Variants in TMEM268 observed in about 807,000 individuals in gnomAD.
TMEM268 encodes the protein transmembrane protein 268, also known as transmembrane protein C9orf91.
TMEM268 carries 24 observed loss-of-function variants against 39.1 expected under a neutral mutation model. That is an observed-to-expected ratio of 0.61 (90% CI 0.44 to 0.86). The LOEUF (loss-of-function observed/expected upper bound fraction) is 0.86. TMEM268 is among the 40% of genes least tolerant of loss of function. TMEM268 has a pLI of 0.00. For synonymous variants in TMEM268, 176 were observed against 173.5 expected (o/e 1.01, Z -0.12); for missense variants, 409 against 428.6 (o/e 0.95, Z 0.40).
At chr9:114,612,746 C>T (rs182806100) in intron 1 of TMEM268, among the ~76,000 whole-genome samples, 1 of 152,288 alleles carries the variant, frequency 6.6e-6, no homozygotes, top group African/African-American at 2.4e-5. Context: ...AACCCTTCCC[C>T]CACCCCAACC....
chr9:114,604,182 T>A, the TMEM268 span, among the ~76,000 whole-genome samples: 1 of 152,096 alleles, frequency 6.6e-6, no homozygotes, highest in East Asian at 1.9e-4. Flanking sequence ...CTTTTATGTA[T>A]CTTACCCATC....
chr9:114,628,241 C>G lies in TMEM268; in HGVS notation c.465C>G (p.His155Gln). The change falls in exon 5 of 9, where the codon CAC becomes CAG. Residue 155 changes from histidine (H) to glutamine (Q), a missense_variant. His to Gln is a conservative substitution (Grantham distance 24, BLOSUM62 0). Coordinates refer to ENST00000288502, the MANE Select transcript of TMEM268 (RefSeq NM_153045.4). ...TLTLVLVFER[H>Q]QKKANTNTDL... ...CTCTTGTGCTGGTCTTTGAAAGACA[C>G]CAGAAGAAGGTGAGATGTCTGGAGA... The G allele has an allele frequency of 1.2e-6, 2 of 1,613,924 alleles. No homozygotes were observed. The highest frequency in any genetic ancestry group is 1.7e-6 in the Non-Finnish European group (2 of 1,179,942).
At chr9:114,631,288 A>AG (rs1212393070) in intron 5 of TMEM268, among the ~76,000 whole-genome samples, 4 of 21,666 alleles carry the variant, frequency 1.8e-4, no homozygotes, top group Non-Finnish European at 4.3e-4. Flanking sequence ...GCCTCAAAAA[A>AG]AAAAAAAAAA....
At position 114,612,187 on chromosome 9, in the gene TMEM268, G is replaced by C. The variant is rs574701437; in HGVS notation, c.-79+623G>C. ...CTGACGAATCTCAGTGCTGCACATAGTTCCCGGGGAGGCTGGGCACTCGGT... is the reference window on the plus strand; with the variant it reads ...CTGACGAATCTCAGTGCTGCACATACTTCCCGGGGAGGCTGGGCACTCGGT... On this transcript the variant is annotated intron_variant, in intron 1 of 8. Transcript: ENST00000288502. Among the ~76,000 whole-genome samples, 10 of 152,250 alleles carry C rather than the reference G, an allele frequency of 6.6e-5. No individual in the cohort carries two copies. In the East Asian group the frequency reaches 1.9e-3, roughly 29 times the overall value.
upstream of TMEM268, among the ~76,000 whole-genome samples, chr9:114,607,611 C>T (rs1375427369): frequency 2.6e-5 from 4 of 152,064 alleles, no homozygotes; most frequent in Non-Finnish European, 5.9e-5. Flanking sequence ...GCCAAGATCG[C>T]GCTGCTGTAC....
At chr9:114,620,215 CA>C (rs200729563) in intron 2 of TMEM268, among the ~76,000 whole-genome samples, 19 of 147,210 alleles carry the variant, frequency 1.3e-4, no homozygotes, top group Admixed American at 2.8e-4. Context: ...AACTCCATCT[CA>C]AAAAAAAAAT....
upstream of TMEM268, among the ~76,000 whole-genome samples, chr9:114,610,379 G>T (rs374266862): frequency 6.6e-6 from 1 of 152,158 alleles, no homozygotes; most frequent in African/African-American, 2.4e-5. Context: ...TAACTTTTGC[G>T]CAAACCTAAT....
chr9:114,633,946 C>G, intron 6 of TMEM268, 68 bp downstream of exon 6: 1 of 868,998 alleles, frequency 1.2e-6, no homozygotes, highest in Non-Finnish European at 1.8e-6. Flanking sequence ...AGAGCAGTGG[C>G]CTCATGTTCT....
intron 8 of TMEM268, 141 bp downstream of exon 8, chr9:114,638,867 T>TC (rs1846763912): frequency 1.9e-6 from 1 of 525,868 alleles, no homozygotes; most frequent in Admixed American, 4.3e-5. Context: ...TCAGGAGTTT[T>TC]CAATCTTTTC....
rs906731116 is a variant in TMEM268, at chr9:114,617,129, T to G, written c.-67T>G. ...GCTGTTTTCTGAAGGCATATGATGC[T>G]GAGCTGGCTGCTCCAGAATGAACCA... On this transcript the variant is annotated 5_prime_UTR_variant, in exon 2 of 9. Coordinates refer to ENST00000288502, the MANE Select transcript of TMEM268 (RefSeq NM_153045.4). The G allele has an allele frequency of 1.9e-6, 2 of 1,065,660 alleles. No homozygotes were observed. Among genetic ancestry groups the G allele is most frequent in the African/African-American group, 3.2e-5 (2 of 61,732 alleles). The allele number at this position is 1,065,660 out of a possible 1,614,324, so 66.0% of individuals were successfully genotyped here. A position where few individuals can be genotyped will look rare whatever the true frequency, so the allele number is the denominator to read the frequency against.
At chr9:114,615,144 G>T (rs375166547) in intron 1 of TMEM268, among the ~76,000 whole-genome samples, 1 of 152,076 alleles carries the variant, frequency 6.6e-6, no homozygotes, top group South Asian at 2.1e-4. Context: ...TGATCCGCCC[G>T]CCTCAGCCTC....
rs1846185019 is a variant in TMEM268, at chr9:114,626,923, T to C, written c.241T>C (p.Leu81=). Residue 81 remains leucine (L), a synonymous_variant, in exon 4 of 9, where the codon TTG becomes CTG. Transcript: ENST00000288502. ...IQVPADQYRS[L]AESALLEPQV... ...GGTCCCGGCTGACCAGTACAGGAGCTTGGCTGAGAGTGCCCTCTTGGAGCC... is the reference window on the plus strand; with the variant it reads ...GGTCCCGGCTGACCAGTACAGGAGCCTGGCTGAGAGTGCCCTCTTGGAGCC... The C allele has an allele frequency of 6.2e-7, 1 of 1,613,732 alleles. No individual in the cohort carries two copies. The highest frequency in any genetic ancestry group is 8.5e-7 in the Non-Finnish European group (1 of 1,179,650).
intron 2 of TMEM268, among the ~76,000 whole-genome samples, chr9:114,617,603 C>CTCTGGG (rs1845781729): frequency 1.3e-5 from 2 of 152,156 alleles, no homozygotes; most frequent in Non-Finnish European, 2.9e-5. Flanking sequence ...CAGGGTCTTG[C>CTCTGGG]TCTGTTATCC....
rs149014725 is a variant in TMEM268, at chr9:114,613,059, G to A, written c.-79+1495G>A. ...CTCACAACCACCTGAAGTTACTGTC[G>A]TTATCCCCACTTACATGTAAGGAAA... On this transcript the variant is annotated intron_variant, in intron 1 of 8. Coordinates refer to ENST00000288502, the MANE Select transcript of TMEM268 (RefSeq NM_153045.4). Among the ~76,000 whole-genome samples, 20 of 152,262 alleles carry A rather than the reference G, an allele frequency of 1.3e-4. No homozygotes were observed. In the East Asian group the frequency reaches 1.3e-3, roughly 10 times the overall value.
chr9:114,622,222 A>G, intron 2 of TMEM268: 1 of 985,388 alleles, frequency 1.0e-6, no homozygotes, highest in Non-Finnish European at 1.2e-6. Context: ...TCAGAGCTAG[A>G]CTGGGGTGAC....
At chr9:114,607,966 AGAGT>A (rs1845388588), upstream of TMEM268, among the ~76,000 whole-genome samples, 1 of 151,976 alleles carries the variant, frequency 6.6e-6, no homozygotes, top group African/African-American at 2.4e-5. Context: ...GTGTTGGGAG[AGAGT>A]GAGTAAAGAT....
chr9:114,611,530 G>GGT lies in TMEM268; in HGVS notation c.-112_-111insTG. On this transcript the variant is annotated 5_prime_UTR_variant, in exon 1 of 9. Transcript: ENST00000288502. ...GGCGCCCCCGACCTTCCGCGTCCCG[G>GGT]GGTGGCGGCGGCGGCGGCGGCGGCG... 7.4e-6 allele frequency: 1 copy of GGT among 135,234 alleles called. No individual in the cohort carries two copies. Among genetic ancestry groups the GGT allele is most frequent in the Non-Finnish European group, 1.4e-5 (1 of 71,190 alleles). The allele number at this position is 135,234 out of a possible 1,614,324, so 8.4% of individuals were successfully genotyped here.
intron 8 of TMEM268, among the ~76,000 whole-genome samples, chr9:114,640,671 C>T (rs765868873): frequency 3.3e-5 from 5 of 152,102 alleles, no homozygotes; most frequent in South Asian, 2.1e-4. Flanking sequence ...AGTAAACTGG[C>T]GAGAAGACCA....
chr9:114,633,314 A>C (rs1353864340), intron 5 of TMEM268, among the ~76,000 whole-genome samples: 2 of 151,982 alleles, frequency 1.3e-5, no homozygotes, highest in African/African-American at 4.8e-5. Flanking sequence ...GGTGTGTGTC[A>C]CCACGCCCAG....
Sources: allele counts gnomAD v4.1 joint callset (sites outside exome capture counted in the v4.1 genomes callset), GRCh38; gene constraint gnomAD v4.1.1; transcripts MANE v1.5; gene names NCBI Gene and HGNC (gene_info 2026-07-23, HGNC 2026-07-21).